The following MACF1 variants were observed in gnomAD, a reference collection of about 807,000 sequenced individuals.
MACF1 encodes microtubule-actin cross-linking factor 1.
Under a neutral mutation model 854.8 loss-of-function variants are expected in MACF1, and 193 were observed. The observed-to-expected ratio is 0.23, with a 90% CI of 0.20 to 0.25. MACF1 has a LOEUF of 0.25. MACF1 is among the 10% of genes least tolerant of loss of function. The pLI is 1.00. For missense variants in MACF1, 7,722 were observed against 8,929.1 expected (o/e 0.86, Z 5.45); for synonymous variants, 3,185 against 3,226.7 (o/e 0.99, Z 0.44).
intron 58 of MACF1, among the ~76,000 whole-genome samples, chr1:39,398,272 G>A (rs953882882): frequency 6.6e-6 from 1 of 151,870 alleles, no homozygotes; most frequent in African/African-American, 2.4e-5. Context: ...ACAAGTAGCT[G>A]GAATTACAGG....
chr1:39,322,755 T>C (rs768419822), intron 32 of MACF1, 40 bp downstream of exon 32: 1 of 1,597,366 alleles, frequency 6.3e-7, no homozygotes, highest in Non-Finnish European at 8.6e-7. Flanking sequence ...CTGTCTTCCC[T>C]TAAGGAAAGA....
chr1:39,379,621 T>A (rs1313758357), intron 54 of MACF1, among the ~76,000 whole-genome samples, 177 bp downstream of exon 54: 1 of 152,228 alleles, frequency 6.6e-6, no homozygotes, highest in Non-Finnish European at 1.5e-5. Flanking sequence ...GAGAATTTTC[T>A]TATGAAATTA....
intron 2 of MACF1, among the ~76,000 whole-genome samples, chr1:39,138,871 G>A (rs567221230): frequency 3.9e-5 from 6 of 152,182 alleles, no homozygotes; most frequent in African/African-American, 1.4e-4. Context: ...TACCATGTTG[G>A]CCAGGCTGGT....
At chr1:39,406,736 C>T (rs1053061887) in intron 58 of MACF1, among the ~76,000 whole-genome samples, 1 of 37,494 alleles carries the variant, frequency 2.7e-5, no homozygotes, top group African/African-American at 2.6e-4. Flanking sequence ...CAGAGTCTCA[C>T]TCAAAAAAAA....
intron 2 of MACF1, among the ~76,000 whole-genome samples, chr1:39,107,789 GACCCTTATTGGCTGGTCACC>G (rs1642285949): frequency 6.6e-6 from 1 of 152,194 alleles, no homozygotes; most frequent in African/African-American, 2.4e-5. Context: ...GGGTGTTCTA[GACCCTTATTGGCTGGTCACC>G]ACATTACTTG....
chr1:39,439,218 C>A, intron 71 of MACF1, 56 bp from the exon 72 acceptor site: 2 of 1,022,426 alleles, frequency 2.0e-6, no homozygotes, highest in Non-Finnish European at 1.5e-6. Flanking sequence ...TCTGAATAGA[C>A]CAATTTCAGG....
intron 2 of MACF1, among the ~76,000 whole-genome samples, chr1:39,095,581 A>AG (rs1203159676): frequency 1.3e-5 from 2 of 150,376 alleles, no homozygotes; most frequent in African/African-American, 2.4e-5. Context: ...AAAAAAAAAA[A>AG]AAAGAAATGT....
At chr1:39,248,090 G>A (rs969011048) in intron 2 of MACF1, among the ~76,000 whole-genome samples, 1 of 152,106 alleles carries the variant, frequency 6.6e-6, no homozygotes, top group Non-Finnish European at 1.5e-5. Flanking sequence ...TTCCCCAGTT[G>A]TATAACGTAC....
rs1444737707 is a variant in MACF1, at chr1:39,114,551, A to G, written c.220+30113A>G. Among the ~76,000 whole-genome samples, 5 of 152,192 alleles carry G rather than the reference A, an allele frequency of 3.3e-5. No homozygotes were observed. In the South Asian group the frequency reaches 1.0e-3, roughly 32 times the overall value. On this transcript the variant is annotated intron_variant, in intron 2 of 93. Transcript: ENST00000361689. Reference sequence around the variant, plus strand: ...GGCTACAGTGAGCTATGATCACGCCATTGCACTCCAGCCTGGATGACAGAG... The same window carrying G: ...GGCTACAGTGAGCTATGATCACGCCGTTGCACTCCAGCCTGGATGACAGAG...
chr1:39,285,637 C>A lies in MACF1; in HGVS notation c.1387C>A (p.Gln463Lys). ...AAHLESGQPV[Q>K]CESDVIMYIQ... Reference sequence around the variant, plus strand: ...TCACCTGGAATCAGGACAACCGGTACAATGTGAGTCAGATGTCATTATGTA... The same window carrying A: ...TCACCTGGAATCAGGACAACCGGTAAAATGTGAGTCAGATGTCATTATGTA... Residue 463 changes from glutamine to lysine, a missense_variant, in exon 14 of 101, where the codon CAA becomes AAA. Transcript: ENST00000564288. 6.2e-7 allele frequency: 1 copy of A among 1,613,920 alleles called. No homozygotes were observed. Among genetic ancestry groups the A allele is most frequent in the East Asian group, 2.2e-5 (1 of 44,868 alleles).
chr1:39,133,499 C>CTCTTT (rs1283106510), intron 2 of MACF1, among the ~76,000 whole-genome samples: 6 of 151,936 alleles, frequency 3.9e-5, no homozygotes, highest in African/African-American at 1.5e-4. Context: ...TTCTTTTCTT[C>CTCTTT]TCTTTTCTCC....
At chr1:39,207,712 T>C (rs973156115) in intron 1 of MACF1, among the ~76,000 whole-genome samples, 1 of 152,246 alleles carries the variant, frequency 6.6e-6, no homozygotes, top group Non-Finnish European at 1.5e-5. Flanking sequence ...GAAGCTGTTA[T>C]TATTTGTTTC....
At chr1:39,096,170 T>C (rs1008191491) in intron 2 of MACF1, among the ~76,000 whole-genome samples, 3 of 129,556 alleles carry the variant, frequency 2.3e-5, no homozygotes, top group African/African-American at 8.7e-5. Flanking sequence ...GGTGACACAG[T>C]GAGACCCTGT....
chr1:39,240,689 G>A (rs1644912072), intron 2 of MACF1, among the ~76,000 whole-genome samples: 1 of 152,140 alleles, frequency 6.6e-6, no homozygotes, highest in African/African-American at 2.4e-5. Context: ...GTAGAGAACA[G>A]GGTTTCTTCA....
chr1:39,357,228 G>A (rs532144578), intron 44 of MACF1, 147 bp from the exon 45 acceptor site: 2 of 827,592 alleles, frequency 2.4e-6, no homozygotes, highest in Admixed American at 2.7e-5. Flanking sequence ...TGAGAGAGGT[G>A]TATGACTTGA....
chr1:39,419,798 A>AGTGTGTGTGT (rs3080664), intron 58 of MACF1, among the ~76,000 whole-genome samples: 2,466 of 131,000 alleles, frequency 0.019, 49 homozygotes, highest in East Asian at 0.066. Flanking sequence ...ATGCCTGGCT[A>AGTGTGTGTGT]GTGTGTGTGT....
intron 80 of MACF1, 79 bp downstream of exon 80, chr1:39,444,914 GA>G (rs977696459): frequency 1.5e-6 from 2 of 1,363,514 alleles, no homozygotes; most frequent in Non-Finnish European, 2.0e-6. Flanking sequence ...TTTATATGAA[GA>G]TTTTTTGAAG....
At chr1:39,301,786 C>A (rs1646049059) in intron 22 of MACF1, among the ~76,000 whole-genome samples, 1 of 151,868 alleles carries the variant, frequency 6.6e-6, no homozygotes, top group Non-Finnish European at 1.5e-5. Context: ...AATAATTACT[C>A]ATTGCTCTTG....
At chr1:39,181,098 G>A (rs1378123512) in intron 2 of MACF1, among the ~76,000 whole-genome samples, 3 of 152,156 alleles carry the variant, frequency 2.0e-5, no homozygotes, top group Admixed American at 1.3e-4. Context: ...AGTAGAGATG[G>A]GATTTTGCCA....
Sources: gnomAD v4.1 joint callset for allele counts (sites outside exome capture counted in the v4.1 genomes callset) on GRCh38, gnomAD v4.1.1 for gene constraint, MANE v1.5 for transcripts, NCBI Gene and HGNC (gene_info 2026-07-23, HGNC 2026-07-21) for gene names.